The following CFLAR variants were observed in gnomAD, a reference collection of about 807,000 sequenced individuals.
The protein encoded by CFLAR is CASP8 and FADD-like apoptosis regulator.
In CFLAR, 14 loss-of-function variants were observed where a neutral mutation model predicts 51.1. The observed-to-expected ratio is 0.27, with a 90% CI of 0.18 to 0.43. The LOEUF (loss-of-function observed/expected upper bound fraction) is 0.43, where lower values mean the gene tolerates loss of function less well. Ranked by LOEUF, CFLAR falls within the 20% of genes least tolerant of loss-of-function variation. The pLI, the probability that CFLAR is intolerant of heterozygous loss-of-function variation, is 1.00. For missense variants in CFLAR, 390 were observed against 566.5 expected, an observed-to-expected ratio of 0.69 and a Z score of 3.16; for synonymous variants, 210 against 211.6, an observed-to-expected ratio of 0.99 and a Z score of 0.06.
intron 6 of CFLAR, 145 bp from the exon 7 acceptor site, chr2:201,148,858 G>A (rs770617866): frequency 3.4e-4 from 205 of 605,798 alleles, no homozygotes; most frequent in Non-Finnish European, 6.0e-5. Context: ...TTGAAACCTT[G>A]GGGCCAAGTA....
At chr2:201,148,797 C>G (rs1050634998) in intron 6 of CFLAR, 2 of 496,804 alleles carry the variant, frequency 4.0e-6, no homozygotes, top group Non-Finnish European at 7.4e-6. Context: ...CAGATAGCCC[C>G]TGATAGCACT....
chr2:201,130,187 G>GGGGGGGGA, intron 2 of CFLAR, 41 bp downstream of exon 2: 2 of 292,392 alleles, frequency 6.8e-6, no homozygotes, highest in South Asian at 5.9e-5. Context: ...GGGTGGGAGG[G>GGGGGGGGA]AGTGAAGTGT....
rs542849057 is a variant in CFLAR, at chr2:201,172,809, T to G, written c.*8836T>G. 16 of 152,310 alleles carry G rather than the reference T, an allele frequency of 1.1e-4. No homozygotes were observed. Among genetic ancestry groups the G allele is most frequent in the African/African-American group, 3.8e-4 (16 of 41,570 alleles). 9.4% of individuals were successfully genotyped at this position (152,310 alleles called of 1,614,324 possible). A position where few individuals can be genotyped will look rare whatever the true frequency, so the allele number is the denominator to read the frequency against. On this transcript the variant is annotated 3_prime_UTR_variant, in exon 10 of 10. Coordinates refer to ENST00000309955, the MANE Select transcript of CFLAR (RefSeq NM_003879.7). ...AGTTTATTCATCAGTTGATCGAAATTTAGACTGTTTCCACTTTTTTGCTAT... is the reference window on the plus strand; with the variant it reads ...AGTTTATTCATCAGTTGATCGAAATGTAGACTGTTTCCACTTTTTTGCTAT...
chr2:201,120,498 C>T (rs1028751051), intron 1 of CFLAR, among the ~76,000 whole-genome samples: 3 of 152,114 alleles, frequency 2.0e-5, no homozygotes, highest in African/African-American at 4.8e-5. Flanking sequence ...AGAAGCTACA[C>T]CACTTGATAC....
chr2:201,154,092 AT>A (rs1941755417), intron 8 of CFLAR: 3 of 286,730 alleles, frequency 1.0e-5, no homozygotes, highest in Admixed American at 4.6e-5. Flanking sequence ...TTCTTTTTAT[AT>A]TTTTAATTTA....
At position 201,140,156 on chromosome 2, in the gene CFLAR, G is replaced by A. The variant is rs741288; in HGVS notation, c.524-201G>A. The A allele has an allele frequency of 0.018, 6,937 of 381,984 alleles. 538 individuals are homozygous for A. The East Asian group carries it at 0.19, about 10-fold the overall frequency. 23.7% of individuals were successfully genotyped at this position (381,984 alleles called of 1,614,324 possible). On this transcript the variant is annotated intron_variant, in intron 4 of 9. Transcript: ENST00000309955. ...TGGGGGCGGGGGCTGCGGCAGCGGC[G>A]GGGCGGGCCAGGGCGCCCTATACTC...
chr2:201,141,417 G>C, intron 5 of CFLAR: 1 of 1,557,996 alleles, frequency 6.4e-7, no homozygotes, highest in Non-Finnish European at 8.7e-7. Flanking sequence ...AAAATTCTTG[G>C]AAATTGTTCC....
intron 4 of CFLAR, chr2:201,137,509 G>A (rs767308170): frequency 3.4e-5 from 21 of 625,238 alleles, no homozygotes; most frequent in Admixed American, 4.2e-5. Context: ...GCCCTGCACC[G>A]CTGTCCTCAG....
In CFLAR at chr2:201,175,852, C is replaced by T. The variant is rs1284374921; in HGVS notation, c.*11879C>T. On this transcript the variant is annotated 3_prime_UTR_variant, in exon 10 of 10. Transcript: ENST00000309955. ...GGCACAGTGGCTCATGCCTGTAATC[C>T]CAGCATTTTGGGAGGCTGAGGCAGG... is the stretch of plus-strand genomic sequence containing the variant. The T allele has an allele frequency of 6.6e-6, 1 of 152,136 alleles. No homozygotes were observed. Among genetic ancestry groups the T allele is most frequent in the Admixed American group, 6.6e-5 (1 of 15,250 alleles). The allele number at this position is 152,136 out of a possible 1,614,324, so 9.4% of individuals were successfully genotyped here.
intron 6 of CFLAR, among the ~76,000 whole-genome samples, chr2:201,147,352 A>G (rs762608363): frequency 4.0e-5 from 6 of 151,566 alleles, no homozygotes; most frequent in Non-Finnish European, 7.4e-5. Context: ...AACATGGTGA[A>G]ACCCCGTCTC....
At position 201,138,931 on chromosome 2, in the gene CFLAR, T is replaced by C; in HGVS notation, c.524-1426T>C. 1.6e-6 allele frequency: 1 copy of C among 634,468 alleles called. No homozygotes were observed. The highest frequency in any genetic ancestry group is 1.4e-5 in the South Asian group (1 of 73,278). The allele number at this position is 634,468 out of a possible 1,614,324, so 39.3% of individuals were successfully genotyped here. On this transcript the variant is annotated intron_variant, in intron 4 of 9. Transcript: ENST00000309955. The surrounding 1 kb of genome is among the most constrained non-coding windows in gnomAD (Gnocchi z 4.0). ...GGTCCACCTCATCAGCTATGAAGTC[T>C]ATGAATCCTGGGAGAATCAAGAAGT...
chr2:201,141,492 A>T, intron 5 of CFLAR: 1 of 1,518,382 alleles, frequency 6.6e-7, no homozygotes, highest in Non-Finnish European at 8.8e-7. Context: ...TCATTTTCTA[A>T]ATGTGTTATA....
rs1575637287 is a variant in CFLAR, at chr2:201,130,122, A to C, written c.257A>C (p.Asn86Thr). ...RKAVETHLLR[N>T]PHLVSDYRVL... is the part of the protein sequence containing the mutation. ...GCTGTGGAGACCCACCTGCTCAGGA[A>C]CCCTCACCTTGTTTCGGACTATAGG... The change falls in exon 2 of 10, where the codon AAC (asparagine) becomes ACC (threonine). Residue 86 changes from asparagine (N) to threonine (T), a missense_variant. By Grantham distance (65) the Asn-to-Thr change is moderately conservative. Transcript: ENST00000309955. The C allele has an allele frequency of 6.3e-6, 8 of 1,271,510 alleles. No homozygotes were observed. The highest frequency in any genetic ancestry group is 3.7e-5 in the South Asian group (3 of 81,348). The allele number at this position is 1,271,510 out of a possible 1,614,324, so 78.8% of individuals were successfully genotyped here.
intron 9 of CFLAR, chr2:201,163,107 G>A: frequency 1.3e-6 from 1 of 747,714 alleles, no homozygotes; most frequent in Non-Finnish European, 2.4e-6. Flanking sequence ...TTATAGGAGA[G>A]TAGCTGTGTC....
At chr2:201,159,706 G>A (rs1942783392) in intron 8 of CFLAR, among the ~76,000 whole-genome samples, 1 of 152,212 alleles carries the variant, frequency 6.6e-6, no homozygotes, top group South Asian at 2.1e-4. Flanking sequence ...GACTTACCTG[G>A]TGAATTATTT....
At chr2:201,134,138 G>A (rs1295447934) in intron 3 of CFLAR, among the ~76,000 whole-genome samples, 7 of 149,122 alleles carry the variant, frequency 4.7e-5, no homozygotes, top group East Asian at 2.0e-4. Context: ...GTGAAACTCC[G>A]TCTCTACTAA....
At chr2:201,123,316 T>C (rs558427950) in intron 1 of CFLAR, among the ~76,000 whole-genome samples, 29 of 152,352 alleles carry the variant, frequency 1.9e-4, no homozygotes, top group African/African-American at 7.0e-4. Flanking sequence ...TTTGTGCTGC[T>C]ATAACAAAAT....
intron 9 of CFLAR, 108 bp downstream of exon 9, chr2:201,161,050 AAGAG>A: frequency 1.3e-6 from 1 of 772,530 alleles, no homozygotes; most frequent in Non-Finnish European, 2.1e-6. Flanking sequence ...CCGGGAGGAA[AAGAG>A]ATTTTCCCTC....
At chr2:201,125,462 G>A (rs1178522242) in intron 1 of CFLAR, among the ~76,000 whole-genome samples, 3 of 152,072 alleles carry the variant, frequency 2.0e-5, no homozygotes, top group African/African-American at 7.2e-5. Flanking sequence ...GGGAGGAGCC[G>A]TCTCTGGAGG....
Sources: gnomAD v4.1 joint callset for allele counts (sites outside exome capture counted in the v4.1 genomes callset) on GRCh38, gnomAD v4.1.1 for gene constraint, Gnocchi (gnomAD v3.1) non-coding constraint, MANE v1.5 for transcripts, NCBI Gene and HGNC (gene_info 2026-07-23, HGNC 2026-07-21) for gene names.